IMMP2L: variants seen among roughly 807,000 people sequenced by gnomAD.
IMMP2L encodes the protein inner mitochondrial membrane peptidase subunit 2.
A neutral mutation model predicts 19.3 loss-of-function variants in IMMP2L; 18 were observed. The ratio of observed to expected loss-of-function variants is 0.93; its 90% confidence interval spans 0.64 to 1.38. The LOEUF (loss-of-function observed/expected upper bound fraction) is 1.38, where lower values mean the gene tolerates loss of function less well. IMMP2L is among the 40% of genes most tolerant of loss of function. The pLI, the probability that IMMP2L is intolerant of heterozygous loss-of-function variation, is 0.00. For synonymous variants in IMMP2L, 76 were observed against 73.0 expected, an observed-to-expected ratio of 1.04 and a Z score of -0.21; for missense variants, 233 against 218.2, an observed-to-expected ratio of 1.07 and a Z score of -0.43.
At chr7:111,477,976 A>G (rs2132169328) in intron 3 of IMMP2L, among the ~76,000 whole-genome samples, 1 of 151,796 alleles carries the variant, frequency 6.6e-6, no homozygotes, top group East Asian at 1.9e-4. Flanking sequence ...CTTTCATTGT[A>G]TTTATTCCAA....
intron 3 of IMMP2L, among the ~76,000 whole-genome samples, chr7:111,032,897 A>T (rs1790972350): frequency 6.6e-6 from 1 of 152,152 alleles, no homozygotes; most frequent in Non-Finnish European, 1.5e-5. Flanking sequence ...AGGTGGGCAG[A>T]TCACCCGAGG....
At chr7:111,086,895 A>G (rs1376631963) in intron 3 of IMMP2L, among the ~76,000 whole-genome samples, 3 of 152,194 alleles carry the variant, frequency 2.0e-5, no homozygotes, top group Non-Finnish European at 4.4e-5. Flanking sequence ...GCATAAAACT[A>G]ATTCCTTTTT....
intron 3 of IMMP2L, among the ~76,000 whole-genome samples, chr7:111,126,243 ATAACT>A (rs1801296433): frequency 6.6e-6 from 1 of 152,194 alleles, no homozygotes; most frequent in Non-Finnish European, 1.5e-5. Context: ...TAACAAGCAA[ATAACT>A]TAATAATTTA....
At chr7:110,739,628 T>G (rs1437778287) in intron 5 of IMMP2L, among the ~76,000 whole-genome samples, 2 of 152,058 alleles carry the variant, frequency 1.3e-5, no homozygotes, top group Non-Finnish European at 2.9e-5. Flanking sequence ...TCTTTAATAC[T>G]CCACTGACAG....
chr7:111,073,239 T>C (rs1393281821), intron 3 of IMMP2L, among the ~76,000 whole-genome samples: 1 of 152,060 alleles, frequency 6.6e-6, no homozygotes, highest in Non-Finnish European at 1.5e-5. Context: ...AACACACTCA[T>C]ATACAGCCAT....
chr7:110,897,133 T>C (rs1014333916), intron 4 of IMMP2L, among the ~76,000 whole-genome samples: 3 of 152,106 alleles, frequency 2.0e-5, no homozygotes, highest in Admixed American at 1.3e-4. Flanking sequence ...TAAAGTAAGA[T>C]TAAAAAGCAA....
At chr7:110,814,956 T>C (rs545679203) in intron 5 of IMMP2L, among the ~76,000 whole-genome samples, 1 of 152,022 alleles carries the variant, frequency 6.6e-6, no homozygotes, top group Non-Finnish European at 1.5e-5. Context: ...AGAAACAAAA[T>C]ACAATTGATA....
At chr7:110,946,038 C>T (rs1817213927) in intron 4 of IMMP2L, among the ~76,000 whole-genome samples, 2 of 152,056 alleles carry the variant, frequency 1.3e-5, no homozygotes, top group Non-Finnish European at 2.9e-5. Context: ...CAAATTAAAC[C>T]ACTCACCTCA....
At chr7:111,181,883 G>A (rs988350076) in intron 3 of IMMP2L, among the ~76,000 whole-genome samples, 3 of 151,924 alleles carry the variant, frequency 2.0e-5, no homozygotes, top group Admixed American at 2.0e-4. Context: ...TTTGTAGCTA[G>A]CTCATCTGTC....
chr7:111,334,038 A>G (rs1198889477), intron 3 of IMMP2L, among the ~76,000 whole-genome samples: 1 of 152,142 alleles, frequency 6.6e-6, no homozygotes, highest in African/African-American at 2.4e-5. Context: ...GGTAAATACA[A>G]GCTAAAAGTA....
At chr7:111,018,673 T>C (rs1374298219) in intron 3 of IMMP2L, among the ~76,000 whole-genome samples, 1 of 151,972 alleles carries the variant, frequency 6.6e-6, no homozygotes, top group Non-Finnish European at 1.5e-5. Context: ...AAACTGAGGC[T>C]CAGAGTTAAA....
intron 3 of IMMP2L, among the ~76,000 whole-genome samples, chr7:111,180,044 A>T (rs1410302870): frequency 6.6e-6 from 1 of 151,992 alleles, no homozygotes; most frequent in Non-Finnish European, 1.5e-5. Flanking sequence ...GGTTTGATCT[A>T]TCCAGAACTC....
chr7:110,694,555 A>G (rs902789303), intron 5 of IMMP2L, among the ~76,000 whole-genome samples: 2 of 152,144 alleles, frequency 1.3e-5, no homozygotes, highest in African/African-American at 4.8e-5. Flanking sequence ...TTTCTTGGCA[A>G]TTATTAAGGC....
intron 5 of IMMP2L, among the ~76,000 whole-genome samples, chr7:110,833,272 C>T (rs117396062): frequency 0.014 from 2,144 of 151,896 alleles, 19 homozygotes; most frequent in Non-Finnish European, 0.023. Flanking sequence ...AATCCTATCT[C>T]CACTAAAAAT....
chr7:111,056,759 A>G (rs1257512610), intron 3 of IMMP2L, among the ~76,000 whole-genome samples: 1 of 152,230 alleles, frequency 6.6e-6, no homozygotes, highest in Admixed American at 6.5e-5. Flanking sequence ...AGAAAATCAT[A>G]AGGAAAAGAA....
chr7:111,154,717 A>G (rs1170942663), intron 3 of IMMP2L, among the ~76,000 whole-genome samples: 1 of 152,140 alleles, frequency 6.6e-6, no homozygotes. Context: ...GCTGCGATCT[A>G]AAAATCATTG....
chr7:111,435,568 T>C (rs1283431802), intron 3 of IMMP2L, among the ~76,000 whole-genome samples: 2 of 151,762 alleles, frequency 1.3e-5, no homozygotes, highest in Non-Finnish European at 2.9e-5. Flanking sequence ...AAATTACCTA[T>C]TGGGTGCAAT....
chr7:110,889,142 C>A (rs1810526478), intron 4 of IMMP2L, among the ~76,000 whole-genome samples: 1 of 152,152 alleles, frequency 6.6e-6, no homozygotes, highest in Non-Finnish European at 1.5e-5. Flanking sequence ...AGTCCCCAGC[C>A]TTTTAGGCAG....
chr7:110,686,671 T>C (rs1793136436), intron 5 of IMMP2L, among the ~76,000 whole-genome samples: 1 of 152,072 alleles, frequency 6.6e-6, no homozygotes, highest in African/African-American at 2.4e-5. Flanking sequence ...ACCACCCTCA[T>C]TTCTAATTAG....
Sources: allele counts gnomAD v4.1 joint callset (sites outside exome capture counted in the v4.1 genomes callset), GRCh38; gene constraint gnomAD v4.1.1; transcripts MANE v1.5; gene names NCBI Gene and HGNC (gene_info 2026-07-23, HGNC 2026-07-21).